ERC2: variants seen among roughly 807,000 people sequenced by gnomAD.
ERC2 encodes ELKS/RAB6-interacting/CAST family member 2.
In ERC2, 42 loss-of-function variants were observed where a neutral mutation model predicts 114.8. The ratio of observed to expected loss-of-function variants is 0.37; its 90% CI spans 0.29 to 0.47. The LOEUF is 0.47. Among genes scored for constraint, ERC2 ranks in the 20% least tolerant of loss-of-function variants. The pLI is 0.99. For synonymous variants in ERC2, 454 were observed against 425.5 expected (o/e 1.07, Z -0.82); for missense variants, 939 against 1,150.7 (o/e 0.82, Z 2.66).
chr3:56,349,673 G>A (rs760270222), intron 2 of ERC2, among the ~76,000 whole-genome samples: 20 of 152,180 alleles, frequency 1.3e-4, no homozygotes, highest in African/African-American at 1.9e-4. Flanking sequence ...TTGGGAGGCC[G>A]AGACAGGCAG....
At chr3:55,834,678 C>T (rs965981088) in intron 14 of ERC2, among the ~76,000 whole-genome samples, 1 of 149,288 alleles carries the variant, frequency 6.7e-6, no homozygotes, top group Non-Finnish European at 1.5e-5. Context: ...AAAATTGACA[C>T]CCTAACATCA....
chr3:56,334,125 G>T (rs1357187100), intron 2 of ERC2, among the ~76,000 whole-genome samples: 1 of 152,140 alleles, frequency 6.6e-6, no homozygotes, highest in African/African-American at 2.4e-5. Flanking sequence ...TACCCTTCTA[G>T]CAACAGTCTC....
At chr3:55,987,466 GC>G (rs2070726221) in intron 11 of ERC2, among the ~76,000 whole-genome samples, 1 of 152,154 alleles carries the variant, frequency 6.6e-6, no homozygotes, top group African/African-American at 2.4e-5. Context: ...ATGGCATATA[GC>G]CATCTGCCAC....
intron 12 of ERC2, chr3:55,955,248 T>TTG (rs60633794): frequency 0.05 from 17,917 of 358,184 alleles, 209 homozygotes; most frequent in East Asian, 0.071. Context: ...GGTGGTGTGT[T>TTG]TGTGTGTGTG....
chr3:56,214,491 T>G (rs2049313059), intron 3 of ERC2, among the ~76,000 whole-genome samples: 1 of 152,124 alleles, frequency 6.6e-6, no homozygotes, highest in Non-Finnish European at 1.5e-5. Flanking sequence ...TATGGGACTA[T>G]GTGAAAAGAC....
chr3:56,233,635 A>AT (rs1560429487), intron 3 of ERC2, among the ~76,000 whole-genome samples: 1 of 151,882 alleles, frequency 6.6e-6, no homozygotes, highest in South Asian at 2.1e-4. Context: ...AAAAAAAAAA[A>AT]CATTTTTGCT....
intron 14 of ERC2, among the ~76,000 whole-genome samples, chr3:55,828,332 G>A (rs1415510255): frequency 3.9e-5 from 6 of 152,156 alleles, no homozygotes; most frequent in Non-Finnish European, 8.8e-5. Context: ...AATTCCTGGG[G>A]AAACCTGTCT....
At chr3:56,379,471 A>G (rs896760768) in intron 2 of ERC2, among the ~76,000 whole-genome samples, 3 of 152,178 alleles carry the variant, frequency 2.0e-5, no homozygotes, top group South Asian at 2.1e-4. Context: ...TAATGCTCAC[A>G]GCAACCCTAA....
chr3:55,992,976 C>A (rs1009285539), intron 10 of ERC2, among the ~76,000 whole-genome samples: 1 of 152,176 alleles, frequency 6.6e-6, no homozygotes, highest in Admixed American at 6.5e-5. Flanking sequence ...AGAAAAGACA[C>A]AGGCAACAAC....
At chr3:55,512,088 C>T (rs1398205463) in intron 17 of ERC2, among the ~76,000 whole-genome samples, 1 of 152,206 alleles carries the variant, frequency 6.6e-6, no homozygotes, top group Non-Finnish European at 1.5e-5. Context: ...CACACACACA[C>T]TCGTGTACAC....
At chr3:55,825,946 A>G (rs1213126316) in intron 14 of ERC2, among the ~76,000 whole-genome samples, 1 of 152,020 alleles carries the variant, frequency 6.6e-6, no homozygotes, top group African/African-American at 2.4e-5. Flanking sequence ...AATTAAAAAC[A>G]AAACAAAACA....
intron 17 of ERC2, among the ~76,000 whole-genome samples, chr3:55,532,272 G>A (rs141795480): frequency 4.6e-3 from 707 of 152,306 alleles, no homozygotes; most frequent in Non-Finnish European, 7.5e-3. Context: ...GCTGCTCAAC[G>A]TTTCACTGCC....
intron 14 of ERC2, among the ~76,000 whole-genome samples, chr3:55,760,739 C>A (rs191635662): frequency 6.6e-6 from 1 of 152,132 alleles, no homozygotes. Flanking sequence ...CACGTGAACA[C>A]GCCATGTACA....
intron 7 of ERC2, among the ~76,000 whole-genome samples, chr3:56,063,563 AAAGT>A (rs1359611489): frequency 2.0e-5 from 3 of 152,178 alleles, no homozygotes; most frequent in Non-Finnish European, 4.4e-5. Context: ...ATTCAGACTG[AAAGT>A]AAGAGGTGAG....
chr3:55,797,843 A>C (rs1266727089), intron 14 of ERC2, among the ~76,000 whole-genome samples: 1 of 152,246 alleles, frequency 6.6e-6, no homozygotes, highest in Non-Finnish European at 1.5e-5. Flanking sequence ...AAAAATGAGC[A>C]CGCAACAACA....
At chr3:56,220,778 T>C (rs2049849568) in intron 3 of ERC2, among the ~76,000 whole-genome samples, 3 of 152,218 alleles carry the variant, frequency 2.0e-5, no homozygotes, top group South Asian at 4.1e-4. Flanking sequence ...GATGGTTGTC[T>C]GGGAAGTTGG....
rs1490330100 is a variant in ERC2 at position 55,765,939 on chromosome 3, A to G, written c.2565-31021T>C. On this transcript the variant is annotated intron_variant, in intron 14 of 17. Transcript: ENST00000288221. ...TAGAATGAGAGTGAGAGGGCAGTAGAGTAGGGTGCAGTCTTTTAAAGAGAA... is the reference window on the plus strand; with the variant it reads ...TAGAATGAGAGTGAGAGGGCAGTAGGGTAGGGTGCAGTCTTTTAAAGAGAA... 2.6e-5 allele frequency among the ~76,000 whole-genome samples: 4 copies of G among 152,236 alleles called. No homozygotes were observed. In the East Asian group the frequency reaches 7.7e-4, roughly 29 times the overall value.
intron 13 of ERC2, among the ~76,000 whole-genome samples, chr3:55,898,948 C>T (rs952836729): frequency 2.6e-5 from 4 of 152,194 alleles, no homozygotes; most frequent in Admixed American, 6.5e-5. Flanking sequence ...ATGCTGGCAA[C>T]GTTGTAACTT....
chr3:56,012,116 T>C (rs935658634), intron 8 of ERC2, among the ~76,000 whole-genome samples: 1 of 152,158 alleles, frequency 6.6e-6, no homozygotes, highest in African/African-American at 2.4e-5. Flanking sequence ...CCTGTGACAA[T>C]GGTGAGTGGA....
Sources: gnomAD v4.1 joint callset for allele counts (sites outside exome capture counted in the v4.1 genomes callset) on GRCh38, gnomAD v4.1.1 for gene constraint, MANE v1.5 for transcripts, NCBI Gene and HGNC (gene_info 2026-07-23, HGNC 2026-07-21) for gene names.